Variants in SHISAL2A observed in about 807,000 individuals in gnomAD.
SHISAL2A encodes shisa like 2A.
In SHISAL2A, 18 loss-of-function variants were observed where a neutral mutation model predicts 11.5. The ratio of observed to expected loss-of-function variants is 1.57; its 90% CI spans 1.08 to 2.33. SHISAL2A has a LOEUF of 2.33. SHISAL2A is among the 30% of genes most tolerant of loss of function. The pLI, the probability that SHISAL2A is intolerant of heterozygous loss-of-function variation, is 0.00. For synonymous variants in SHISAL2A, 94 were observed against 99.6 expected, an observed-to-expected ratio of 0.94 and a Z score of 0.34; for missense variants, 261 against 250.9, an observed-to-expected ratio of 1.04 and a Z score of -0.27.
intron 4 of SHISAL2A, among the ~76,000 whole-genome samples, chr1:52,663,288 C>T (rs1443531210): frequency 6.6e-6 from 1 of 152,114 alleles, no homozygotes; most frequent in Non-Finnish European, 1.5e-5. Context: ...TGCCCCAGAC[C>T]CCTCGCAGCC....
chr1:52,653,076 AAT>A (rs1691707630), intron 2 of SHISAL2A, among the ~76,000 whole-genome samples: 1 of 150,802 alleles, frequency 6.6e-6, no homozygotes, highest in Non-Finnish European at 1.5e-5. Flanking sequence ...ACTAACAAAA[AAT>A]TAGAAACCCA....
chr1:52,653,219 C>G (rs1691710425), intron 2 of SHISAL2A, among the ~76,000 whole-genome samples: 1 of 139,264 alleles, frequency 7.2e-6, no homozygotes, highest in African/African-American at 2.8e-5. Flanking sequence ...GAGGCCAAGA[C>G]TGGAGGATCG....
chr1:52,651,241 T>C (rs1231209459), intron 2 of SHISAL2A, among the ~76,000 whole-genome samples: 7 of 151,316 alleles, frequency 4.6e-5, no homozygotes, highest in Non-Finnish European at 1.5e-5. Flanking sequence ...AGGTTTTTTG[T>C]TTTTTGTTTT....
At chr1:52,661,378 C>A (rs1318853833), downstream of SHISAL2A, among the ~76,000 whole-genome samples, 1 of 152,228 alleles carries the variant, frequency 6.6e-6, no homozygotes, top group Non-Finnish European at 1.5e-5. Context: ...TCTCATGTAT[C>A]CACAAGAAAT....
Position 52,633,462 on chromosome 1 carries a change from C to T in SHISAL2A, c.-32C>T. The T allele has an allele frequency of 6.9e-7, 1 of 1,452,094 alleles. No homozygotes were observed. 90.0% of individuals were successfully genotyped at this position (1,452,094 alleles called of 1,614,324 possible). On this transcript the variant is annotated 5_prime_UTR_variant, in exon 1 of 3. Coordinates refer to ENST00000517870, the MANE Select transcript of SHISAL2A (RefSeq NM_001042693.3). The surrounding 1 kb of genome is among the most constrained non-coding windows in gnomAD (Gnocchi z 6.4). ...GGGCTCTAGCCGGCCGTCTGGTGGC[C>T]CGAGGTGGCGGCGGGCTGGGCGCGG... is the stretch of plus-strand genomic sequence containing the variant.
At chr1:52,638,632 G>A (rs1403940891) in intron 1 of SHISAL2A, among the ~76,000 whole-genome samples, 2 of 152,118 alleles carry the variant, frequency 1.3e-5, no homozygotes, top group African/African-American at 4.8e-5. Flanking sequence ...AGTGAGACAG[G>A]GAGAGAAAGA....
rs546072450 is a variant in SHISAL2A, at chr1:52,662,094, G to A, written n.695+2514G>A. Among the ~76,000 whole-genome samples, 40 of 151,906 alleles carry A rather than the reference G, an allele frequency of 2.6e-4. No homozygotes were observed. In the South Asian group the frequency reaches 8.3e-3, roughly 32 times the overall value. ...CCTTCAGGCCTTACTTACTAGAGAT[G>A]AAGAGTAGGTTTGACCCGTGAAACC... On this transcript the variant is annotated intron_variant and non_coding_transcript_variant, in intron 4 of 5. Transcript: ENST00000401050.
At chr1:52,660,294 C>A (rs537865875), downstream of SHISAL2A, among the ~76,000 whole-genome samples, 20 of 152,246 alleles carry the variant, frequency 1.3e-4, no homozygotes, top group African/African-American at 4.8e-4. Flanking sequence ...ACCTACACAT[C>A]CTAGGCCTCA....
chr1:52,647,767 G>T (rs972650954), intron 2 of SHISAL2A, among the ~76,000 whole-genome samples: 2 of 151,588 alleles, frequency 1.3e-5, no homozygotes, highest in Non-Finnish European at 2.9e-5. Context: ...ATTGCTTGAG[G>T]CCAGGAGGTG....
At chr1:52,648,315 A>G (rs1477933744) in intron 2 of SHISAL2A, among the ~76,000 whole-genome samples, 2 of 151,996 alleles carry the variant, frequency 1.3e-5, no homozygotes, top group Non-Finnish European at 2.9e-5. Context: ...TGGATCATAA[A>G]CTGTGGTATA....
At chr1:52,632,805 C>A (rs1265528247), upstream of SHISAL2A, among the ~76,000 whole-genome samples, 15 of 152,186 alleles carry the variant, frequency 9.9e-5, no homozygotes, top group Admixed American at 9.2e-4. Context: ...CCTACTAGGC[C>A]GCCCCCGGTT....
At chr1:52,657,210 A>C, downstream of SHISAL2A, 1 of 907,524 alleles carries the variant, frequency 1.1e-6, no homozygotes, top group Non-Finnish European at 1.6e-6. Flanking sequence ...ATTGTGGGCC[A>C]AAGAACTTTG....
chr1:52,668,772 C>T (rs537718823), exon 6 of SHISAL2A: 2 of 152,392 alleles, frequency 1.3e-5, no homozygotes, highest in African/African-American at 2.4e-5. Context: ...AATGAAGCCT[C>T]ACCTTTCCCC....
chr1:52,643,070 T>C, intron 2 of SHISAL2A, 68 bp downstream of exon 2: 1 of 1,500,098 alleles, frequency 6.7e-7, no homozygotes, highest in Non-Finnish European at 9.2e-7. Context: ...GGGAGAAATG[T>C]AGAAATGATG....
intron 4 of SHISAL2A, among the ~76,000 whole-genome samples, chr1:52,662,935 C>A (rs1273086607): frequency 6.6e-6 from 1 of 151,856 alleles, no homozygotes; most frequent in Non-Finnish European, 1.5e-5. Flanking sequence ...CACTACTTGT[C>A]CAGCACAGAG....
At chr1:52,637,622 C>A (rs752577567) in intron 1 of SHISAL2A, among the ~76,000 whole-genome samples, 6 of 152,158 alleles carry the variant, frequency 3.9e-5, no homozygotes, top group Non-Finnish European at 8.8e-5. Context: ...GCAGCCTTGC[C>A]GGAAGGCAGA....
chr1:52,647,155 C>T (rs982176036), intron 2 of SHISAL2A, among the ~76,000 whole-genome samples: 6 of 152,010 alleles, frequency 3.9e-5, no homozygotes, highest in East Asian at 3.9e-4. Flanking sequence ...GTTTTAGAGA[C>T]ATGAGTTTTA....
intron 2 of SHISAL2A, among the ~76,000 whole-genome samples, chr1:52,651,253 T>C (rs1029956454): frequency 5.9e-5 from 9 of 152,172 alleles, no homozygotes; most frequent in Non-Finnish European, 1.2e-4. Context: ...TTTTGTTTTT[T>C]TTGAGACGGA....
Position 52,667,497 on chromosome 1 carries a change from T to TCACCAC in SHISAL2A, n.803_808dup, listed in dbSNP as rs1179602392. ...ATCACCATCACCATCACCATCACCA[T>TCACCAC]CACCACCACCACCATCATCATCATT... On this transcript the variant is annotated non_coding_transcript_exon_variant, in exon 5 of 6. Transcript: ENST00000401050. 117 of 471,684 alleles carry TCACCAC rather than the reference T, an allele frequency of 2.5e-4. 1 individual carries two copies. Among genetic ancestry groups the TCACCAC allele is most frequent in the African/African-American group, 2.4e-3 (111 of 46,684 alleles). 29.2% of individuals were successfully genotyped at this position (471,684 alleles called of 1,614,324 possible).
Sources: allele counts gnomAD v4.1 joint callset (sites outside exome capture counted in the v4.1 genomes callset), GRCh38; gene constraint gnomAD v4.1.1; non-coding constraint Gnocchi (gnomAD v3.1); transcripts MANE v1.5; gene names NCBI Gene and HGNC (gene_info 2026-07-23, HGNC 2026-07-21).